KDM6A: variants seen among roughly 807,000 people sequenced by gnomAD.
The protein encoded by KDM6A is lysine-specific demethylase 6A.
Under a neutral mutation model 117.6 loss-of-function variants are expected in KDM6A, and 11 were observed. That is an observed-to-expected ratio of 0.09 (90% CI 0.06 to 0.15). The LOEUF is 0.15. Among genes scored for constraint, KDM6A ranks in the 10% least tolerant of loss-of-function variants. The pLI is 1.00. For synonymous variants in KDM6A, 384 were observed against 396.1 expected (o/e 0.97, Z 0.36); for missense variants, 799 against 1,077.3 (o/e 0.74, Z 3.62).
At chrX:45,105,052 C>G (rs946618535) in intron 27 of KDM6A, among the ~76,000 whole-genome samples, 4 of 111,576 alleles carry the variant, frequency 3.6e-5, no homozygotes, top group Non-Finnish European at 7.5e-5. Context: ...TAGCCTGATA[C>G]TCCATAGAAC....
At chrX:44,959,941 T>A (rs1386436713) in intron 2 of KDM6A, among the ~76,000 whole-genome samples, 2 of 111,626 alleles carry the variant, frequency 1.8e-5, no homozygotes, top group Non-Finnish European at 3.8e-5. Context: ...ACCCTTAGGC[T>A]TTAAGGATAA....
At chrX:44,895,049 G>A (rs904278220) in intron 2 of KDM6A, among the ~76,000 whole-genome samples, 3 of 108,584 alleles carry the variant, frequency 2.8e-5, no homozygotes, top group African/African-American at 1.0e-4. Flanking sequence ...TTACAGGTGT[G>A]AGCCACCACG....
chrX:45,000,518 T>A (rs1030779625), intron 4 of KDM6A, among the ~76,000 whole-genome samples: 2 of 112,030 alleles, frequency 1.8e-5, no homozygotes, highest in African/African-American at 3.3e-5. Flanking sequence ...CTCCAGTTAT[T>A]TGGCAGAGTG....
chrX:45,011,786 T>C (rs1464582888), intron 5 of KDM6A, among the ~76,000 whole-genome samples: 2 of 110,756 alleles, frequency 1.8e-5, no homozygotes, highest in East Asian at 5.6e-4. Context: ...ATTTATTTTA[T>C]TTATTTATTT....
In KDM6A at chrX:45,068,560, TTAA is replaced by T. The variant is rs775474659; in HGVS notation, c.2080-1018_2080-1016del. On this transcript the variant is annotated intron_variant, in intron 17 of 29. Coordinates refer to ENST00000611820, the MANE Select transcript of KDM6A (RefSeq NM_001291415.2). ...AAATGTCTTTTTCTCCCCTTTTTTT[TTAA>T]AAAAAAAAAAAAAAAAGAGAGACAC... Among the ~76,000 whole-genome samples, 481 of 96,244 alleles carry T rather than the reference TTAA, an allele frequency of 5.0e-3. 1 individual carries two copies. The highest frequency in any genetic ancestry group is 0.019 in the African/African-American group (449 of 23,121). 83.6% of individuals were successfully genotyped at this position (96,244 alleles called of 115,157 possible).
chrX:45,045,912 C>G (rs1254236193), intron 8 of KDM6A, among the ~76,000 whole-genome samples: 1 of 104,040 alleles, frequency 9.6e-6, no homozygotes, highest in Middle Eastern at 4.7e-3. Flanking sequence ...TATGGTAATT[C>G]TATGTTTAAT....
intron 3 of KDM6A, among the ~76,000 whole-genome samples, chrX:44,969,386 TGGAG>T: frequency 9.3e-6 from 1 of 107,186 alleles, no homozygotes; most frequent in East Asian, 2.9e-4. Context: ...AGTTAGAGCT[TGGAG>T]GGTTTTCTTT....
chrX:45,030,781 G>A (rs947073335), intron 6 of KDM6A, among the ~76,000 whole-genome samples: 1 of 110,879 alleles, frequency 9.0e-6, no homozygotes, highest in African/African-American at 3.3e-5. Flanking sequence ...GCGATCTTGG[G>A]TCACTGCAAC....
chrX:45,103,147 T>G (rs1035860659), intron 27 of KDM6A, among the ~76,000 whole-genome samples: 5 of 111,542 alleles, frequency 4.5e-5, no homozygotes, highest in African/African-American at 1.6e-4. Context: ...TGAGTCACAT[T>G]GCCATTAGAA....
chrX:45,078,857 A>G (rs1837157286), intron 20 of KDM6A, among the ~76,000 whole-genome samples: 2 of 110,796 alleles, frequency 1.8e-5, no homozygotes, highest in Admixed American at 1.9e-4. Context: ...CTATAGCCCC[A>G]TAAGTATTTC....
At chrX:45,033,469 G>A (rs763452790) in intron 6 of KDM6A, among the ~76,000 whole-genome samples, 6 of 111,828 alleles carry the variant, frequency 5.4e-5, no homozygotes, top group Admixed American at 9.5e-5. Context: ...ATAGACTCTT[G>A]ACCCATTGAG....
At chrX:44,932,652 G>T (rs2036702648) in intron 2 of KDM6A, among the ~76,000 whole-genome samples, 1 of 110,763 alleles carries the variant, frequency 9.0e-6, no homozygotes, top group Admixed American at 9.6e-5. Context: ...TAGTCCCACA[G>T]CTTTCTCCCC....
At chrX:45,059,573 A>G (rs1220580741) in intron 12 of KDM6A, 107 bp downstream of exon 12, 1 of 552,521 alleles carries the variant, frequency 1.8e-6, no homozygotes, top group Non-Finnish European at 3.1e-6. Context: ...GATGTCTATA[A>G]TCTGTTTCCA....
chrX:45,018,172 G>A lies in KDM6A; in HGVS notation c.444-2438G>A, dbSNP rs182517021. ...AATCACAGGAGCCACACGTTTGAGG[G>A]AATATGTACAAGCCAGAGCAGAGCA... On this transcript the variant is annotated intron_variant, in intron 5 of 29. Coordinates refer to ENST00000611820, the MANE Select transcript of KDM6A (RefSeq NM_001291415.2). Among the ~76,000 whole-genome samples the A allele has an allele frequency of 3.2e-3, 359 of 111,017 alleles. 2 individuals carry two copies. Among genetic ancestry groups the A allele is most frequent in the Non-Finnish European group, 5.5e-3 (290 of 52,930 alleles).
chrX:44,894,050 G>T (rs1216491020), intron 2 of KDM6A, among the ~76,000 whole-genome samples: 1 of 111,652 alleles, frequency 9.0e-6, no homozygotes, highest in African/African-American at 3.3e-5. Context: ...ATTTTGTTGA[G>T]AATTTTTGTG....
intron 19 of KDM6A, 33 bp from the exon 20 acceptor site, chrX:45,078,367 C>T (rs1399318580): frequency 8.7e-7 from 1 of 1,149,443 alleles, no homozygotes; most frequent in Non-Finnish European, 1.2e-6. Flanking sequence ...GCTCTGTTTT[C>T]CTGAGATCTA....
intron 6 of KDM6A, among the ~76,000 whole-genome samples, chrX:45,029,450 A>G (rs2042513961): frequency 9.2e-6 from 1 of 109,241 alleles, no homozygotes; most frequent in African/African-American, 3.3e-5. Flanking sequence ...AAATACATAC[A>G]TACATACAAA....
chrX:45,051,256 C>G (rs2043834280), intron 8 of KDM6A, among the ~76,000 whole-genome samples: 1 of 111,546 alleles, frequency 9.0e-6, no homozygotes, highest in African/African-American at 3.3e-5. Flanking sequence ...GATTTGCCTG[C>G]CTCGGCCTCC....
chrX:45,075,641 C>T (rs1434187776), intron 18 of KDM6A, among the ~76,000 whole-genome samples: 2 of 111,163 alleles, frequency 1.8e-5, no homozygotes, highest in Non-Finnish European at 3.8e-5. Flanking sequence ...AAGTCTATGG[C>T]AGTGAAGGTT....
Sources: allele counts gnomAD v4.1 joint callset (sites outside exome capture counted in the v4.1 genomes callset), GRCh38; gene constraint gnomAD v4.1.1; transcripts MANE v1.5; gene names NCBI Gene and HGNC (gene_info 2026-07-23, HGNC 2026-07-21).